GREB1L: variants seen among roughly 807,000 people sequenced by gnomAD.
The protein encoded by GREB1L is GREB1 like retinoic acid receptor coactivator, also known as GREB1-like protein.
In GREB1L, 17 loss-of-function variants were observed where a neutral mutation model predicts 200.8. That is an observed-to-expected ratio of 0.08 (90% confidence interval 0.06 to 0.13). The LOEUF (loss-of-function observed/expected upper bound fraction) is 0.13, where lower values mean the gene tolerates loss of function less well. Among genes scored for constraint, GREB1L ranks in the 10% least tolerant of loss-of-function variants. GREB1L has a pLI of 1.00. For missense variants in GREB1L, 1,657 were observed against 2,367.7 expected (o/e 0.70, Z 6.23); for synonymous variants, 789 against 893.0 (o/e 0.88, Z 2.08).
At chr18:21,287,020 G>A (rs1254194030) in intron 1 of GREB1L, among the ~76,000 whole-genome samples, 1 of 152,084 alleles carries the variant, frequency 6.6e-6, no homozygotes, top group East Asian at 1.9e-4. Flanking sequence ...TACATGCTTA[G>A]GTTTTTAAGG....
At chr18:21,378,599 T>C (rs952534936) in intron 2 of GREB1L, among the ~76,000 whole-genome samples, 4 of 152,184 alleles carry the variant, frequency 2.6e-5, no homozygotes, top group Non-Finnish European at 5.9e-5. Context: ...GGTCTCAAAC[T>C]CCTGACCTCA....
intron 1 of GREB1L, among the ~76,000 whole-genome samples, chr18:21,307,123 CT>C (rs1212480407): frequency 2.0e-5 from 3 of 152,240 alleles, no homozygotes; most frequent in African/African-American, 7.2e-5. Flanking sequence ...TCCCAACTGT[CT>C]TCTGTGTTCC....
intron 2 of GREB1L, among the ~76,000 whole-genome samples, chr18:21,373,192 G>A (rs2039946834): frequency 6.6e-6 from 1 of 152,110 alleles, no homozygotes; most frequent in African/African-American, 2.4e-5. Context: ...CAACCAGTGG[G>A]TTCAGGAGGT....
At chr18:21,249,238 C>G (rs1434741564) in intron 1 of GREB1L, among the ~76,000 whole-genome samples, 1 of 151,938 alleles carries the variant, frequency 6.6e-6, no homozygotes, top group African/African-American at 2.4e-5. Context: ...AGAGCTTTCC[C>G]TTTTTAGCCT....
At chr18:21,352,432 A>G (rs1487632788) in intron 1 of GREB1L, among the ~76,000 whole-genome samples, 1 of 151,138 alleles carries the variant, frequency 6.6e-6, no homozygotes. Flanking sequence ...GTGCTTTTAT[A>G]TATATATAAA....
At chr18:21,481,007 A>T (rs987698607) in intron 17 of GREB1L, among the ~76,000 whole-genome samples, 1 of 151,296 alleles carries the variant, frequency 6.6e-6, no homozygotes, top group Admixed American at 6.6e-5. Flanking sequence ...GTGACAGATT[A>T]AAAAAAAAGA....
rs561585197 is a variant in GREB1L, at chr18:21,300,431, T to C, written c.-120+58038T>C. Among the ~76,000 whole-genome samples, 53 of 152,354 alleles carry C rather than the reference T, an allele frequency of 3.5e-4. 1 individual carries two copies. In the South Asian group the frequency reaches 8.5e-3, roughly 24 times the overall value. ...TTATACAAATAGAAACACTCTTAAA[T>C]GTTTTATGCTTCTATTTTCTTTTGC... On this transcript the variant is annotated intron_variant, in intron 1 of 32. Coordinates refer to ENST00000424526, the MANE Select transcript of GREB1L (RefSeq NM_001142966.3).
At chr18:21,323,320 TAAGTTA>T (rs2038977928) in intron 1 of GREB1L, among the ~76,000 whole-genome samples, 1 of 151,938 alleles carries the variant, frequency 6.6e-6, no homozygotes, top group African/African-American at 2.4e-5. Context: ...TTGAATAATA[TAAGTTA>T]AAGTCAGAAG....
intron 17 of GREB1L, among the ~76,000 whole-genome samples, chr18:21,482,093 G>A (rs1487909383): frequency 6.6e-6 from 1 of 152,116 alleles, no homozygotes; most frequent in Non-Finnish European, 1.5e-5. Flanking sequence ...TGATAATTTG[G>A]GTTAGAATGA....
At chr18:21,390,893 G>A (rs1567972364) in intron 4 of GREB1L, among the ~76,000 whole-genome samples, 1 of 152,148 alleles carries the variant, frequency 6.6e-6, no homozygotes, top group East Asian at 1.9e-4. Flanking sequence ...ATACAAAAAA[G>A]CCTTATAGAA....
chr18:21,303,103 T>C (rs1412470765), intron 1 of GREB1L, among the ~76,000 whole-genome samples: 2 of 152,168 alleles, frequency 1.3e-5, no homozygotes, highest in Non-Finnish European at 2.9e-5. Flanking sequence ...ATGATCTGCC[T>C]ACCTCTGTCT....
At chr18:21,522,169 C>G (rs1438056351) in intron 32 of GREB1L, among the ~76,000 whole-genome samples, 2 of 151,762 alleles carry the variant, frequency 1.3e-5, no homozygotes, top group Non-Finnish European at 2.9e-5. Context: ...TTACTTTATA[C>G]TCTTAAAAAT....
At chr18:21,485,856 C>CAAACA in intron 18 of GREB1L, 103 bp downstream of exon 18, 11 of 1,141,744 alleles carry the variant, frequency 9.6e-6, no homozygotes, top group Non-Finnish European at 1.3e-5. Context: ...TTTGATGGAG[C>CAAACA]CCTTGCAGAT....
rs1199057649 is a variant in GREB1L at position 21,490,276 on chromosome 18, G to C, written c.2955G>C (p.Gln985His). Residue 985 changes from glutamine to histidine, a missense_variant, in exon 19 of 33, where the codon CAG becomes CAC. Around this residue, in one of 9 missense-constraint regions of GREB1L, gnomAD observed 512 missense variants for 668.3 expected, o/e 0.77. Transcript: ENST00000424526. ...AGGTGCGCGACAAACTGGGTCTGCAGTATCGGTTTGAGATCATCCTTGGGA... is the reference window on the plus strand; with the variant it reads ...AGGTGCGCGACAAACTGGGTCTGCACTATCGGTTTGAGATCATCCTTGGGA... The part of the protein sequence containing the change: ...LQEVRDKLGL[Q>H]YRFEIILGNP... 6.4e-7 allele frequency: 1 copy of C among 1,551,870 alleles called. No individual in the cohort carries two copies.
chr18:21,439,967 T>C (rs1400286735), intron 8 of GREB1L, among the ~76,000 whole-genome samples: 3 of 152,206 alleles, frequency 2.0e-5, no homozygotes, highest in African/African-American at 7.2e-5. Flanking sequence ...TTTTACAAAA[T>C]GGGTATAACA....
intron 24 of GREB1L, 86 bp from the exon 25 acceptor site, chr18:21,505,724 C>A: frequency 7.0e-7 from 1 of 1,436,518 alleles, no homozygotes; most frequent in Non-Finnish European, 9.4e-7. Context: ...ATGGAAAAGT[C>A]ATTTTGGGGA....
chr18:21,454,409 A>G lies in GREB1L; in HGVS notation c.2028A>G (p.Thr676=), dbSNP rs2145470048. 1 of 1,551,868 alleles carries G rather than the reference A, an allele frequency of 6.4e-7. No homozygotes were observed. The highest frequency in any genetic ancestry group is 8.7e-7 in the Non-Finnish European group (1 of 1,146,980). ...ETFHIYQPQL[T]VARKLLSQVC... is the part of the protein sequence containing the mutation. Reference sequence around the variant, plus strand: ...TCCACATTTATCAACCGCAGCTAACAGTTGCCAGAAAACTCTTATCCCAGG... The same window carrying G: ...TCCACATTTATCAACCGCAGCTAACGGTTGCCAGAAAACTCTTATCCCAGG... Residue 676 remains threonine, a synonymous_variant, in exon 15 of 33, where the codon ACA becomes ACG. Transcript: ENST00000424526.
chr18:21,462,893 G>A (rs1174559027), intron 15 of GREB1L, among the ~76,000 whole-genome samples: 1 of 152,042 alleles, frequency 6.6e-6, no homozygotes, highest in African/African-American at 2.4e-5. Context: ...AACAAATGGA[G>A]GAACCTAACT....
chr18:21,369,819 C>T (rs1219201305), intron 2 of GREB1L, among the ~76,000 whole-genome samples: 3 of 151,528 alleles, frequency 2.0e-5, no homozygotes, highest in Non-Finnish European at 4.4e-5. Context: ...CGTGGTGGCA[C>T]GCGCCTGTAA....
Sources: allele counts gnomAD v4.1 joint callset (sites outside exome capture counted in the v4.1 genomes callset), GRCh38; gene constraint gnomAD v4.1.1; regional missense constraint gnomAD v4.1.1; transcripts MANE v1.5; gene names NCBI Gene and HGNC (gene_info 2026-07-23, HGNC 2026-07-21).